Variants in LPP observed in about 807,000 individuals in gnomAD.
LPP encodes lipoma-preferred partner.
Under a neutral mutation model 60.4 loss-of-function variants are expected in LPP, and 38 were observed. The ratio of observed to expected loss-of-function variants is 0.63; its 90% confidence interval spans 0.49 to 0.83. The LOEUF (loss-of-function observed/expected upper bound fraction) is 0.83, where lower values mean the gene tolerates loss of function less well. Among genes scored for constraint, LPP ranks in the 40% least tolerant of loss-of-function variants. LPP has a pLI of 0.00. For synonymous variants in LPP, 328 were observed against 290.8 expected, an observed-to-expected ratio of 1.13 and a Z score of -1.30; for missense variants, 902 against 783.6, an observed-to-expected ratio of 1.15 and a Z score of -1.80.
At chr3:188,747,536 C>T (rs773420593) in intron 8 of LPP, among the ~76,000 whole-genome samples, 15 of 152,070 alleles carry the variant, frequency 9.9e-5, no homozygotes, top group Admixed American at 7.9e-4. Flanking sequence ...ATTTGAGAAG[C>T]ATGTTTCCTT....
intron 2 of LPP, among the ~76,000 whole-genome samples, chr3:188,288,163 A>G (rs1744607147): frequency 6.6e-6 from 1 of 152,254 alleles, no homozygotes; most frequent in African/African-American, 2.4e-5. Context: ...TGGAAATAAT[A>G]GAGAAATTAG....
chr3:188,629,612 GA>G (rs1427374768), intron 7 of LPP, among the ~76,000 whole-genome samples: 1 of 151,714 alleles, frequency 6.6e-6, no homozygotes, highest in African/African-American at 2.4e-5. Flanking sequence ...TCATAGATAG[GA>G]AAAAAATCAA....
chr3:188,227,992 A>T (rs1560130364), intron 2 of LPP, among the ~76,000 whole-genome samples: 1 of 152,338 alleles, frequency 6.6e-6, no homozygotes, highest in East Asian at 1.9e-4. Flanking sequence ...TGCTGTTAGG[A>T]GAGGGAGAGA....
intron 9 of LPP, among the ~76,000 whole-genome samples, chr3:188,813,438 A>C (rs1485852547): frequency 6.6e-6 from 1 of 152,184 alleles, no homozygotes; most frequent in East Asian, 1.9e-4. Context: ...TTGATATTGA[A>C]ATATAAAAGT....
chr3:188,759,080 G>A (rs1166964764), intron 8 of LPP, among the ~76,000 whole-genome samples: 2 of 152,104 alleles, frequency 1.3e-5, no homozygotes, highest in Non-Finnish European at 2.9e-5. Flanking sequence ...GACTAAGAAG[G>A]GAAACTAGAT....
rs193003792 is a variant in LPP at position 188,475,795 on chromosome 3, C to G, written c.194-8797C>G. On this transcript the variant is annotated intron_variant, in intron 4 of 11. Coordinates refer to ENST00000617246, the MANE Select transcript of LPP (RefSeq NM_001375462.1). ...GCGGGCGCCTGTAGTCCCAGCTACT[C>G]GGGAGGCTGAGGCAGGAGAATGGCC... Among the ~76,000 whole-genome samples the G allele has an allele frequency of 3.4e-3, 520 of 152,070 alleles. 2 individuals are homozygous for G. The highest frequency in any genetic ancestry group is 6.8e-3 in the Middle Eastern group (2 of 294).
At chr3:188,703,474 A>G (rs923037685) in intron 7 of LPP, among the ~76,000 whole-genome samples, 1 of 152,276 alleles carries the variant, frequency 6.6e-6, no homozygotes, top group Middle Eastern at 3.4e-3. Flanking sequence ...GTAAGAGACA[A>G]CTCTTAACGG....
intron 8 of LPP, among the ~76,000 whole-genome samples, chr3:188,721,503 G>T (rs7651680): frequency 2.0e-4 from 31 of 152,242 alleles, no homozygotes; most frequent in African/African-American, 7.2e-4. Context: ...GCAGTGAGCC[G>T]TGATTGCACC....
intron 2 of LPP, among the ~76,000 whole-genome samples, chr3:188,268,493 A>G (rs1203740176): frequency 6.6e-6 from 1 of 152,236 alleles, no homozygotes; most frequent in African/African-American, 2.4e-5. Context: ...GAGGTACAGA[A>G]ACAGCTGGAC....
At chr3:188,756,244 T>C (rs955135057) in intron 8 of LPP, among the ~76,000 whole-genome samples, 1 of 152,142 alleles carries the variant, frequency 6.6e-6, no homozygotes, top group Non-Finnish European at 1.5e-5. Flanking sequence ...AAATAAGTAA[T>C]AATATATAAA....
intron 2 of LPP, among the ~76,000 whole-genome samples, chr3:188,232,283 A>G (rs1720282648): frequency 1.3e-5 from 2 of 152,120 alleles, no homozygotes; most frequent in Non-Finnish European, 2.9e-5. Flanking sequence ...GGCTGGCCAG[A>G]ACGTGAATTC....
intron 6 of LPP, among the ~76,000 whole-genome samples, chr3:188,559,593 T>C (rs542829787): frequency 1.3e-5 from 2 of 152,158 alleles, no homozygotes; most frequent in African/African-American, 4.8e-5. Context: ...TCCGTGTTCG[T>C]AGAGTCAATA....
chr3:188,245,117 C>CT (rs992144419), intron 2 of LPP, among the ~76,000 whole-genome samples: 5 of 151,776 alleles, frequency 3.3e-5, no homozygotes, highest in Non-Finnish European at 5.9e-5. Flanking sequence ...CTGCCCCCGC[C>CT]TTTTTTTTCT....
At chr3:188,674,420 T>C (rs1335382527) in intron 7 of LPP, among the ~76,000 whole-genome samples, 1 of 152,206 alleles carries the variant, frequency 6.6e-6, no homozygotes, top group African/African-American at 2.4e-5. Flanking sequence ...CTTTCCTTCC[T>C]TCTCCAATCT....
At chr3:188,320,970 G>T (rs1420394666) in intron 2 of LPP, among the ~76,000 whole-genome samples, 1 of 152,190 alleles carries the variant, frequency 6.6e-6, no homozygotes, top group Non-Finnish European at 1.5e-5. Flanking sequence ...CATATTTTCG[G>T]TAGTAATCCT....
intron 9 of LPP, among the ~76,000 whole-genome samples, chr3:188,823,627 T>A (rs993923816): frequency 6.6e-6 from 1 of 152,234 alleles, no homozygotes; most frequent in Non-Finnish European, 1.5e-5. Flanking sequence ...AATCTATAAC[T>A]GCTTTAGTAT....
intron 6 of LPP, among the ~76,000 whole-genome samples, chr3:188,597,035 T>G (rs528670511): frequency 2.6e-5 from 4 of 152,274 alleles, no homozygotes; most frequent in Middle Eastern, 3.4e-3. Context: ...GTTTGTTACT[T>G]TTTTGTAGGC....
chr3:188,234,728 A>G (rs1288147131), intron 2 of LPP, among the ~76,000 whole-genome samples: 1 of 152,098 alleles, frequency 6.6e-6, no homozygotes, highest in African/African-American at 2.4e-5. Flanking sequence ...ACACAAGACT[A>G]CTCAAACTCT....
chr3:188,267,323 CTT>C (rs1321850510), intron 2 of LPP, among the ~76,000 whole-genome samples: 1 of 152,136 alleles, frequency 6.6e-6, no homozygotes, highest in African/African-American at 2.4e-5. Flanking sequence ...ATTCCCAGGA[CTT>C]TTTCTGAGGA....
Sources: gnomAD v4.1 joint callset for allele counts (sites outside exome capture counted in the v4.1 genomes callset) on GRCh38, gnomAD v4.1.1 for gene constraint, MANE v1.5 for transcripts, NCBI Gene and HGNC (gene_info 2026-07-23, HGNC 2026-07-21) for gene names.